The following CAMTA1 variants were observed in gnomAD, a reference collection of about 807,000 sequenced individuals.
The protein encoded by CAMTA1 is calmodulin binding transcription activator 1, also known as calmodulin-binding transcription activator 1.
CAMTA1 carries 27 observed loss-of-function variants against 170.9 expected under a neutral mutation model. The ratio of observed to expected loss-of-function variants is 0.16; its 90% CI spans 0.12 to 0.22. The LOEUF is 0.22. Among genes scored for constraint, CAMTA1 ranks in the 10% least tolerant of loss-of-function variants. The pLI is 1.00. For missense variants in CAMTA1, 1,619 were observed against 2,217.2 expected (o/e 0.73, Z 5.42); for synonymous variants, 833 against 891.5 (o/e 0.93, Z 1.17).
At chr1:6,995,421 A>G (rs1446720815) in intron 3 of CAMTA1, among the ~76,000 whole-genome samples, 1 of 141,834 alleles carries the variant, frequency 7.1e-6, no homozygotes, top group African/African-American at 2.7e-5. Flanking sequence ...CTTTTGCCTC[A>G]GCCTCCCCAG....
At chr1:7,357,379 G>T (rs2085200708) in intron 5 of CAMTA1, among the ~76,000 whole-genome samples, 1 of 152,214 alleles carries the variant, frequency 6.6e-6, no homozygotes, top group Non-Finnish European at 1.5e-5. Flanking sequence ...GCTGATTTAG[G>T]GGGCAGCGAG....
chr1:7,605,877 C>T (rs766801715), intron 6 of CAMTA1, among the ~76,000 whole-genome samples: 7 of 152,322 alleles, frequency 4.6e-5, no homozygotes, highest in East Asian at 1.9e-4. Context: ...TCACTGTGAC[C>T]GCCAGAAGGG....
In CAMTA1 at chr1:7,014,815, C is replaced by T. The variant is rs1700303121; in HGVS notation, c.235-76489C>T. On this transcript the variant is annotated intron_variant, in intron 3 of 22. Transcript: ENST00000303635. The surrounding 1 kb of genome is among the most constrained non-coding windows in gnomAD (Gnocchi z 4.2). The stretch of plus-strand genomic sequence containing the variant: ...GACCCTCTCAGACCCTGCAGCATGT[C>T]GGGGGCCGGGTGGGGGAGCGGGTGG... 6.6e-6 allele frequency among the ~76,000 whole-genome samples: 1 copy of T among 152,076 alleles called. No homozygotes were observed. Among genetic ancestry groups the T allele is most frequent in the South Asian group, 2.1e-4 (1 of 4,800 alleles).
intron 1 of CAMTA1, among the ~76,000 whole-genome samples, chr1:6,800,762 A>G (rs1485443673): frequency 1.3e-5 from 2 of 152,194 alleles, no homozygotes; most frequent in African/African-American, 4.8e-5. Context: ...CATTGATCAT[A>G]TCACATCTTC....
chr1:6,822,825 C>T (rs955079300), intron 2 of CAMTA1, among the ~76,000 whole-genome samples: 2 of 149,050 alleles, frequency 1.3e-5, no homozygotes, highest in African/African-American at 5.0e-5. Flanking sequence ...CACACACACA[C>T]AAACACACAC....
chr1:6,974,896 G>A (rs981779575), intron 3 of CAMTA1, among the ~76,000 whole-genome samples: 1 of 152,204 alleles, frequency 6.6e-6, no homozygotes, highest in African/African-American at 2.4e-5. Context: ...CAAATATCAA[G>A]TATTTGTTGG....
chr1:6,978,335 C>T (rs1693814919), intron 3 of CAMTA1, among the ~76,000 whole-genome samples: 2 of 152,190 alleles, frequency 1.3e-5, no homozygotes, highest in South Asian at 4.2e-4. Flanking sequence ...TTATGTACCC[C>T]ATAAATGTAT....
intron 5 of CAMTA1, among the ~76,000 whole-genome samples, chr1:7,351,191 T>C (rs1452701056): frequency 6.6e-6 from 1 of 152,216 alleles, no homozygotes; most frequent in East Asian, 1.9e-4. Flanking sequence ...AGGGAGAGCA[T>C]CCATGGCCTC....
intron 9 of CAMTA1, among the ~76,000 whole-genome samples, chr1:7,670,390 C>A (rs1006345069): frequency 6.6e-6 from 1 of 152,208 alleles, no homozygotes; most frequent in Non-Finnish European, 1.5e-5. Flanking sequence ...ACCTTGCCAT[C>A]CCCACAGCCT....
At chr1:7,315,022 G>A (rs573550957) in intron 5 of CAMTA1, among the ~76,000 whole-genome samples, 2 of 152,374 alleles carry the variant, frequency 1.3e-5, no homozygotes, top group East Asian at 3.9e-4. Context: ...AGAGAGCAGG[G>A]ATGAGGATGT....
At chr1:7,004,917 G>A (rs1698758508) in intron 3 of CAMTA1, among the ~76,000 whole-genome samples, 1 of 152,138 alleles carries the variant, frequency 6.6e-6, no homozygotes, top group Non-Finnish European at 1.5e-5. Context: ...ACAGGCACAT[G>A]CCATCACACC....
At position 7,532,904 on chromosome 1, in the gene CAMTA1, C is replaced by T. The variant is rs1430349636; in HGVS notation, c.510+65003C>T. 2.0e-5 allele frequency among the ~76,000 whole-genome samples: 3 copies of T among 152,180 alleles called. No homozygotes were observed. Among genetic ancestry groups the T allele is most frequent in the Admixed American group, 1.3e-4 (2 of 15,286 alleles). On this transcript the variant is annotated intron_variant, in intron 6 of 22. Transcript: ENST00000303635. This position sits in a 1 kb window ranked among gnomAD's most constrained non-coding sequence, Gnocchi z 4.2. Reference sequence around the variant, plus strand: ...GCCCCAAAGAGTTCAGGACAGAAGACTCTTATTGGACCAGTGCAGGTGGCG... The same window carrying T: ...GCCCCAAAGAGTTCAGGACAGAAGATTCTTATTGGACCAGTGCAGGTGGCG...
chr1:7,093,620 C>T lies in CAMTA1; in HGVS notation c.302+2249C>T, dbSNP rs1641736966. On this transcript the variant is annotated intron_variant, in intron 4 of 22. Coordinates refer to ENST00000303635, the MANE Select transcript of CAMTA1 (RefSeq NM_015215.4). This position sits in a 1 kb window ranked among gnomAD's most constrained non-coding sequence, Gnocchi z 4.6. ...AGAACATTTCAAGGCAGCGGTTTTA[C>T]CTCGAGTTTCAGCCTTTGGAATTTG... is the stretch of plus-strand genomic sequence containing the variant. 6.6e-6 allele frequency among the ~76,000 whole-genome samples: 1 copy of T among 152,146 alleles called. No homozygotes were observed. Among genetic ancestry groups the T allele is most frequent in the African/African-American group, 2.4e-5 (1 of 41,428 alleles).
At chr1:7,061,809 G>A (rs1257506370) in intron 3 of CAMTA1, among the ~76,000 whole-genome samples, 1 of 152,112 alleles carries the variant, frequency 6.6e-6, no homozygotes, top group Non-Finnish European at 1.5e-5. Flanking sequence ...GCTGGCAGAG[G>A]AGGGAGCTGG....
At chr1:7,172,759 G>T (rs1258297899) in intron 4 of CAMTA1, among the ~76,000 whole-genome samples, 1 of 152,206 alleles carries the variant, frequency 6.6e-6, no homozygotes, top group Non-Finnish European at 1.5e-5. Context: ...GCAGAAAGAA[G>T]GACATTTGCT....
intron 3 of CAMTA1, among the ~76,000 whole-genome samples, chr1:6,898,125 A>G (rs1282313239): frequency 6.6e-6 from 1 of 152,168 alleles, no homozygotes; most frequent in Non-Finnish European, 1.5e-5. Flanking sequence ...CTCATTAAAT[A>G]TTTCTTAAAA....
intron 3 of CAMTA1, among the ~76,000 whole-genome samples, chr1:7,032,782 AT>A (rs1163595655): frequency 6.6e-6 from 1 of 151,698 alleles, no homozygotes; most frequent in Non-Finnish European, 1.5e-5. Context: ...ATAAAAAAGT[AT>A]TTCACTTTTG....
At chr1:7,138,842 A>G (rs57471398) in intron 4 of CAMTA1, among the ~76,000 whole-genome samples, 1,852 of 151,922 alleles carry the variant, frequency 0.012, 33 homozygotes, top group African/African-American at 0.042. Flanking sequence ...TAAAAATACA[A>G]AAATTAGCTG....
rs77361877 is a variant in CAMTA1, at chr1:7,529,273, C to T, written c.510+61372C>T. Among the ~76,000 whole-genome samples the T allele has an allele frequency of 2.2e-3, 332 of 152,202 alleles. 2 individuals are homozygous for T. The highest frequency in any genetic ancestry group is 7.6e-3 in the African/African-American group (314 of 41,516). On this transcript the variant is annotated intron_variant, in intron 6 of 22. Transcript: ENST00000303635. ...CAGGCTTGCTCAAGGTCCCTGTGAC[C>T]TTGGACATTCCTCCACCTGCTTCTC...
Sources: gnomAD v4.1 joint callset for allele counts (sites outside exome capture counted in the v4.1 genomes callset) on GRCh38, gnomAD v4.1.1 for gene constraint, Gnocchi (gnomAD v3.1) non-coding constraint, MANE v1.5 for transcripts, NCBI Gene and HGNC (gene_info 2026-07-23, HGNC 2026-07-21) for gene names.